The following MYO1E variants were observed in gnomAD, a reference collection of about 807,000 sequenced individuals.
MYO1E encodes myosin IE, also known as unconventional myosin-Ie.
Under a neutral mutation model 151.1 loss-of-function variants are expected in MYO1E, and 68 were observed. The observed-to-expected ratio is 0.45, with a 90% CI of 0.37 to 0.55. The LOEUF is 0.55. MYO1E is among the 20% of genes least tolerant of loss of function. MYO1E has a pLI of 0.00. For synonymous variants in MYO1E, 601 were observed against 501.7 expected (o/e 1.20, Z -2.64); for missense variants, 1,363 against 1,389.3 (o/e 0.98, Z 0.30).
chr15:59,239,224 A>T (rs1291099916), intron 4 of MYO1E, among the ~76,000 whole-genome samples: 72 of 141,294 alleles, frequency 5.1e-4, no homozygotes, highest in South Asian at 4.7e-3. Flanking sequence ...ATATATATAT[A>T]TTTTTTTTAT....
At chr15:59,278,513 AC>A (rs2080334832) in intron 1 of MYO1E, among the ~76,000 whole-genome samples, 1 of 152,274 alleles carries the variant, frequency 6.6e-6, no homozygotes, top group Admixed American at 6.5e-5. Flanking sequence ...TGAAAAATCA[AC>A]CAAAAATATT....
At chr15:59,288,139 G>A (rs1166870924) in intron 1 of MYO1E, among the ~76,000 whole-genome samples, 1 of 151,958 alleles carries the variant, frequency 6.6e-6, no homozygotes, top group East Asian at 1.9e-4. Flanking sequence ...ACCAAATATT[G>A]GGCAAATAAT....
In MYO1E at chr15:59,205,486, C is replaced by G; in HGVS notation, c.1531-1G>C. The G allele has an allele frequency of 6.3e-7, 1 of 1,589,388 alleles. No individual in the cohort carries two copies. The highest frequency in any genetic ancestry group is 8.6e-7 in the Non-Finnish European group (1 of 1,164,182). ...AAAAGCCATCCATGTCATAGGATAC[C>G]TGGCCAAGAATGGAAAGAAATCGAA... On this transcript the variant is annotated splice_acceptor_variant, in intron 14 of 27. Coordinates refer to ENST00000288235, the MANE Select transcript of MYO1E (RefSeq NM_004998.4). LOFTEE classifies it high-confidence loss of function.
At chr15:59,169,698 G>C (rs1169864771) in intron 22 of MYO1E, among the ~76,000 whole-genome samples, 1 of 152,078 alleles carries the variant, frequency 6.6e-6, no homozygotes, top group Non-Finnish European at 1.5e-5. Context: ...AAAAGAAGCT[G>C]GTGCTCCCAT....
intron 4 of MYO1E, among the ~76,000 whole-genome samples, chr15:59,254,599 T>G (rs555636098): frequency 7.2e-5 from 11 of 152,272 alleles, no homozygotes; most frequent in African/African-American, 2.6e-4. Context: ...CAGTGCAAAA[T>G]GGATAATAGA....
intron 1 of MYO1E, among the ~76,000 whole-genome samples, chr15:59,284,064 A>G (rs1274713879): frequency 6.6e-6 from 1 of 152,256 alleles, no homozygotes; most frequent in Non-Finnish European, 1.5e-5. Context: ...TGCATAATGC[A>G]GAGGAAGTTC....
At chr15:59,172,981 C>T (rs1416115544) in intron 21 of MYO1E, among the ~76,000 whole-genome samples, 2 of 152,212 alleles carry the variant, frequency 1.3e-5, no homozygotes, top group Non-Finnish European at 2.9e-5. Context: ...TTCTTGACCT[C>T]CCCGCCCCTG....
rs556817234 is a variant in MYO1E, at chr15:59,327,532, C to T, written c.3+44966G>A. Among the ~76,000 whole-genome samples the T allele has an allele frequency of 5.5e-3, 837 of 152,106 alleles. 3 individuals carry two copies. Among genetic ancestry groups the T allele is most frequent in the Non-Finnish European group, 8.4e-3 (574 of 67,996 alleles). The stretch of plus-strand genomic sequence containing the variant: ...GTCTCCCTATGTTTCCCAGGCTTGT[C>T]TCAAACTCCTGGCCTTAAGCAATTC... On this transcript the variant is annotated intron_variant, in intron 1 of 27. Transcript: ENST00000288235.
intron 18 of MYO1E, among the ~76,000 whole-genome samples, chr15:59,185,598 G>A (rs551202515): frequency 7.9e-5 from 12 of 152,332 alleles, no homozygotes; most frequent in African/African-American, 2.4e-4. Flanking sequence ...TTTTGGGGTC[G>A]GGCATGGTAG....
At chr15:59,342,472 GT>G (rs1281865032) in intron 1 of MYO1E, among the ~76,000 whole-genome samples, 1 of 152,190 alleles carries the variant, frequency 6.6e-6, no homozygotes, top group African/African-American at 2.4e-5. Context: ...ATAGTTTGAA[GT>G]CTTAGATTTA....
chr15:59,194,312 G>A (rs531819621), intron 17 of MYO1E, among the ~76,000 whole-genome samples: 5 of 152,198 alleles, frequency 3.3e-5, no homozygotes, highest in East Asian at 1.9e-4. Flanking sequence ...ACTGCATGCC[G>A]AAGTATTCAA....
At chr15:59,324,643 C>A (rs1256707682) in intron 1 of MYO1E, among the ~76,000 whole-genome samples, 3 of 102,962 alleles carry the variant, frequency 2.9e-5, no homozygotes, top group African/African-American at 1.1e-4. Flanking sequence ...TGTGTCTCGC[C>A]GTATTTATCC....
intron 19 of MYO1E, among the ~76,000 whole-genome samples, chr15:59,174,624 C>G (rs1308661415): frequency 1.3e-5 from 2 of 152,102 alleles, no homozygotes; most frequent in African/African-American, 4.8e-5. Flanking sequence ...GAGGCTGTTG[C>G]TGTTGTTTGG....
chr15:59,139,489 T>C (rs893026995), intron 26 of MYO1E, among the ~76,000 whole-genome samples: 1 of 122,184 alleles, frequency 8.2e-6, no homozygotes, highest in African/African-American at 3.7e-5. Context: ...TGCAGACTTC[T>C]TTCCCACCCC....
At chr15:59,228,486 G>T (rs1469776698) in intron 6 of MYO1E, among the ~76,000 whole-genome samples, 1 of 150,992 alleles carries the variant, frequency 6.6e-6, no homozygotes, top group East Asian at 1.9e-4. Flanking sequence ...AAAATAAAAT[G>T]AATCAAAATT....
chr15:59,281,839 C>T (rs572079336), intron 1 of MYO1E, among the ~76,000 whole-genome samples: 3 of 151,940 alleles, frequency 2.0e-5, no homozygotes, highest in Admixed American at 6.6e-5. Flanking sequence ...TGGCTCATGC[C>T]TGTAATCCCA....
At chr15:59,249,905 C>T (rs2080153857) in intron 4 of MYO1E, among the ~76,000 whole-genome samples, 1 of 152,158 alleles carries the variant, frequency 6.6e-6, no homozygotes, top group South Asian at 2.1e-4. Flanking sequence ...ACAGGATTTC[C>T]CTGCCTTTCC....
intron 13 of MYO1E, among the ~76,000 whole-genome samples, 177 bp downstream of exon 13, chr15:59,210,337 G>A (rs1420548682): frequency 2.0e-5 from 3 of 151,884 alleles, no homozygotes; most frequent in Non-Finnish European, 4.4e-5. Context: ...CATATTTACT[G>A]CCAGAATAAA....
intron 7 of MYO1E, among the ~76,000 whole-genome samples, 191 bp from the exon 8 acceptor site, chr15:59,225,014 G>C (rs2079980772): frequency 6.6e-6 from 1 of 152,208 alleles, no homozygotes; most frequent in Admixed American, 6.5e-5. Flanking sequence ...CCTAACTCTG[G>C]AAAGACCTGC....
Sources: allele counts gnomAD v4.1 joint callset (sites outside exome capture counted in the v4.1 genomes callset), GRCh38; gene constraint gnomAD v4.1.1; transcripts MANE v1.5; gene names NCBI Gene and HGNC (gene_info 2026-07-23, HGNC 2026-07-21).